SPON1: variants seen among roughly 807,000 people sequenced by gnomAD.
SPON1 encodes the protein spondin-1.
Under a neutral mutation model 111.7 loss-of-function variants are expected in SPON1, and 52 were observed. The ratio of observed to expected loss-of-function variants is 0.47; its 90% CI spans 0.37 to 0.59. The LOEUF is 0.59. Ranked by LOEUF, SPON1 falls within the 20% of genes least tolerant of loss-of-function variation. The pLI, the probability that SPON1 is intolerant of heterozygous loss-of-function variation, is 0.00. For missense variants in SPON1, 957 were observed against 1,068.5 expected (o/e 0.90, Z 1.46); for synonymous variants, 410 against 395.8 (o/e 1.04, Z -0.43).
At chr11:13,991,748 C>G (rs1848232111) in intron 2 of SPON1, among the ~76,000 whole-genome samples, 1 of 152,168 alleles carries the variant, frequency 6.6e-6, no homozygotes, top group Non-Finnish European at 1.5e-5. Flanking sequence ...TGGTGACCTT[C>G]TGATGGGGTC....
intron 5 of SPON1, among the ~76,000 whole-genome samples, chr11:14,097,775 A>G (rs1849113118): frequency 6.6e-6 from 1 of 152,094 alleles, no homozygotes; most frequent in South Asian, 2.1e-4. Flanking sequence ...GTGAGACCTC[A>G]TTTCTAAAAA....
intron 15 of SPON1, among the ~76,000 whole-genome samples, chr11:14,264,781 T>C (rs1440674824): frequency 5.9e-5 from 9 of 152,208 alleles, no homozygotes; most frequent in African/African-American, 1.7e-4. Flanking sequence ...GAAGCAGTAA[T>C]CAAAAGATCT....
intron 6 of SPON1, among the ~76,000 whole-genome samples, chr11:14,193,684 ACT>A (rs1445764220): frequency 1.3e-5 from 2 of 152,026 alleles, no homozygotes; most frequent in African/African-American, 2.4e-5. Context: ...CAGAGCTGAG[ACT>A]CTGCCTTCAA....
intron 6 of SPON1, among the ~76,000 whole-genome samples, chr11:14,178,475 G>A (rs1355626143): frequency 1.3e-5 from 2 of 150,886 alleles, no homozygotes; most frequent in African/African-American, 4.9e-5. Flanking sequence ...CACAAACTTG[G>A]TCTCAGTTTT....
chr11:14,075,403 A>G lies in SPON1; in HGVS notation c.538A>G (p.Lys180Glu). 1 of 1,558,324 alleles carries G rather than the reference A, an allele frequency of 6.4e-7. No individual in the cohort carries two copies. The highest frequency in any genetic ancestry group is 8.7e-7 in the Non-Finnish European group (1 of 1,150,100). ...TCAAGATGAGGGCTCTCTGACCAAG[A>G]AACTTTGTGAACAAGGTAAGACCCT... is the stretch of plus-strand genomic sequence containing the variant. ...YFQDEGSLTK[K>E]LCEQDSTFDG... Residue 180 changes from lysine to glutamate, a missense_variant, in exon 4 of 16, where the codon AAA becomes GAA. By Grantham distance (56) the Lys-to-Glu change is moderately conservative. Around this residue, in one of 5 missense-constraint regions of SPON1, gnomAD observed 262 missense variants for 253.9 expected, o/e 1.03. Coordinates refer to ENST00000576479, the MANE Select transcript of SPON1 (RefSeq NM_006108.4).
chr11:14,209,918 A>G (rs1411184416), intron 6 of SPON1, among the ~76,000 whole-genome samples: 1 of 152,194 alleles, frequency 6.6e-6, no homozygotes, highest in Non-Finnish European at 1.5e-5. Flanking sequence ...CCTCTCCAGC[A>G]TCTGTTGTTT....
At chr11:14,263,598 C>CT (rs1554942147) in intron 15 of SPON1, among the ~76,000 whole-genome samples, 2 of 152,224 alleles carry the variant, frequency 1.3e-5, no homozygotes, top group African/African-American at 4.8e-5. Context: ...TGACAAATAA[C>CT]TAATAGAACA....
chr11:14,216,392 C>G (rs891727996), intron 6 of SPON1, among the ~76,000 whole-genome samples: 1 of 152,166 alleles, frequency 6.6e-6, no homozygotes, highest in African/African-American at 2.4e-5. Flanking sequence ...ATGCCTCCCC[C>G]CATGAGGAGT....
At chr11:14,181,971 G>C (rs1335315848) in intron 6 of SPON1, among the ~76,000 whole-genome samples, 1 of 152,290 alleles carries the variant, frequency 6.6e-6, no homozygotes, top group East Asian at 1.9e-4. Flanking sequence ...ATGCTGAACA[G>C]AATAAAATTA....
chr11:14,220,086 CAAAAAAAAAA>C (rs149757475), intron 6 of SPON1, among the ~76,000 whole-genome samples: 3 of 118,210 alleles, frequency 2.5e-5, no homozygotes, highest in African/African-American at 9.3e-5. Context: ...GCACTTGGAT[CAAAAAAAAAA>C]AAAAAAAAAA....
chr11:14,161,453 G>T (rs1389843784), intron 6 of SPON1, among the ~76,000 whole-genome samples: 7 of 150,454 alleles, frequency 4.7e-5, no homozygotes, highest in African/African-American at 1.7e-4. Context: ...CAAGTAGCTG[G>T]GACTACAGGT....
At position 14,001,280 on chromosome 11, in the gene SPON1, G is replaced by T. The variant is rs147955053; in HGVS notation, c.345+18327G>T. ...AACTCCTGGGAGCCCAATCCTGAAG[G>T]GACTCCCACACTTTTGTGAATTTTA... is the stretch of plus-strand genomic sequence containing the variant. On this transcript the variant is annotated intron_variant, in intron 2 of 15. Transcript: ENST00000576479. Among the ~76,000 whole-genome samples, 7 of 152,232 alleles carry T rather than the reference G, an allele frequency of 4.6e-5. No homozygotes were observed. In the East Asian group the frequency reaches 1.4e-3, roughly 29 times the overall value.
At chr11:14,048,456 C>G (rs1195203966) in intron 3 of SPON1, among the ~76,000 whole-genome samples, 1 of 152,178 alleles carries the variant, frequency 6.6e-6, no homozygotes, top group East Asian at 1.9e-4. Flanking sequence ...GCCCACGTAG[C>G]TGGTTGTGTT....
At position 14,040,464 on chromosome 11, in the gene SPON1, G is replaced by T. The variant is rs73422172; in HGVS notation, c.346-1057G>T. On this transcript the variant is annotated intron_variant, in intron 2 of 15. Coordinates refer to ENST00000576479, the MANE Select transcript of SPON1 (RefSeq NM_006108.4). Reference sequence around the variant, plus strand: ...ACTTAGGAGTGAATGCTAAGTAGAGGAGGAAAAATGGAAGTAGGATAAAAA... The same window carrying T: ...ACTTAGGAGTGAATGCTAAGTAGAGTAGGAAAAATGGAAGTAGGATAAAAA... Among the ~76,000 whole-genome samples, 281 of 152,194 alleles carry T rather than the reference G, an allele frequency of 1.8e-3. 4 individuals are homozygous for T. The highest frequency in any genetic ancestry group is 0.014 in the Middle Eastern group (4 of 294).
At chr11:14,182,699 A>G (rs1383177321) in intron 6 of SPON1, among the ~76,000 whole-genome samples, 1 of 152,162 alleles carries the variant, frequency 6.6e-6, no homozygotes, top group Non-Finnish European at 1.5e-5. Context: ...CCTTTTTCTT[A>G]TTTGACGGTC....
chr11:14,212,322 C>T (rs72861675), intron 6 of SPON1, among the ~76,000 whole-genome samples: 13,213 of 152,080 alleles, frequency 0.087, 750 homozygotes, highest in Admixed American at 0.14. Flanking sequence ...AAAATTTCTA[C>T]CTCCATTACT....
chr11:14,096,177 A>G (rs780031705), intron 5 of SPON1, among the ~76,000 whole-genome samples: 1 of 152,200 alleles, frequency 6.6e-6, no homozygotes, highest in Non-Finnish European at 1.5e-5. Context: ...AGGAAGTCCT[A>G]TGACAACCAG....
intron 3 of SPON1, 120 bp downstream of exon 3, chr11:14,041,774 T>C: frequency 9.0e-7 from 1 of 1,106,828 alleles, no homozygotes; most frequent in Non-Finnish European, 1.3e-6. Context: ...CTGCCCTCCC[T>C]TATCTGAATT....
rs72139147 is a variant in SPON1 at position 14,162,157 on chromosome 11, CAA to C, written c.825+26604_825+26605del. 6.0e-3 allele frequency among the ~76,000 whole-genome samples: 670 copies of C among 112,542 alleles called. 6 individuals are homozygous for C. The highest frequency in any genetic ancestry group is 0.019 in the African/African-American group (607 of 32,224). The allele number at this position is 112,542 out of a possible 152,430, so 73.8% of individuals were successfully genotyped here. A position where few individuals can be genotyped will look rare whatever the true frequency, so the allele number is the denominator to read the frequency against. The stretch of plus-strand genomic sequence containing the variant: ...TGGTCAGAAAAGCAAGACTCTGTCT[CAA>C]AAAAAAAAAAAAAAGACAAAATAAT... On this transcript the variant is annotated intron_variant, in intron 6 of 15. Transcript: ENST00000576479.
Sources: allele counts gnomAD v4.1 joint callset (sites outside exome capture counted in the v4.1 genomes callset), GRCh38; gene constraint gnomAD v4.1.1; regional missense constraint gnomAD v4.1.1; transcripts MANE v1.5; gene names NCBI Gene and HGNC (gene_info 2026-07-23, HGNC 2026-07-21).